DRC3: variants seen among roughly 807,000 people sequenced by gnomAD.
DRC3 encodes the protein leucine rich repeat containing 48.
DRC3 carries 45 observed loss-of-function variants against 57.6 expected under a neutral mutation model. That is an observed-to-expected ratio of 0.78 (90% CI 0.62 to 1.00). The LOEUF is 1.00. Among genes scored for constraint, DRC3 ranks in the 50% least tolerant of loss-of-function variants. The probability of loss-of-function intolerance (pLI) is 0.00; values close to 1 mark genes in which losing one functional copy is unlikely to be tolerated. For missense variants in DRC3, 655 were observed against 675.2 expected, an observed-to-expected ratio of 0.97 and a Z score of 0.33; for synonymous variants, 257 against 272.3, an observed-to-expected ratio of 0.94 and a Z score of 0.55.
At chr17:18,006,949 T>C in intron 11 of DRC3, 75 bp from the exon 12 acceptor site, 1 of 1,588,078 alleles carries the variant, frequency 6.3e-7, no homozygotes, top group Non-Finnish European at 8.6e-7. Context: ...TTAAAGTCTG[T>C]CTCCCGCCGT....
intron 12 of DRC3, among the ~76,000 whole-genome samples, chr17:18,012,766 T>A (rs183805437): frequency 1.3e-4 from 20 of 149,838 alleles, no homozygotes; most frequent in Middle Eastern, 7.1e-3. Flanking sequence ...TGGGAAAAAA[T>A]TTTATGAATA....
chr17:18,007,004 T>C lies in DRC3; in HGVS notation c.1203-20T>C, dbSNP rs781557423. On this transcript the variant is annotated intron_variant, in intron 11 of 13. Coordinates refer to ENST00000399187, the MANE Select transcript of DRC3 (RefSeq NM_031294.4). Reference sequence around the variant, plus strand: ...GCCGGGCCTGCTCCTCCCGGGCCTTTGCTTAACTCGGGGCTGCACGATGGC... The same window carrying C: ...GCCGGGCCTGCTCCTCCCGGGCCTTCGCTTAACTCGGGGCTGCACGATGGC... 6.2e-7 allele frequency: 1 copy of C among 1,610,864 alleles called. No homozygotes were observed. The highest frequency in any genetic ancestry group is 8.5e-7 in the Non-Finnish European group (1 of 1,178,150).
chr17:17,977,463 G>A (rs577121221), intron 2 of DRC3, 119 bp from the exon 3 acceptor site: 36 of 1,184,726 alleles, frequency 3.0e-5, no homozygotes, highest in Admixed American at 1.5e-4. Flanking sequence ...AGGGCTGGGC[G>A]TGGGGCATTC....
chr17:17,975,819 A>G (rs1284926313), intron 2 of DRC3, among the ~76,000 whole-genome samples: 2 of 152,148 alleles, frequency 1.3e-5, no homozygotes, highest in African/African-American at 4.8e-5. Context: ...TGTGGAGGCT[A>G]TGCCTCCCCT....
rs191664790 is a variant in DRC3 at position 17,982,459 on chromosome 17, C to T, written c.161-1369C>T. On this transcript the variant is annotated intron_variant, in intron 3 of 13. Coordinates refer to ENST00000399187, the MANE Select transcript of DRC3 (RefSeq NM_031294.4). ...CTCCACCTCCTCACCTCCTGATCTG[C>T]CTACCTTGGCCTCCCAAAGTGCTGG... 2.3e-3 allele frequency among the ~76,000 whole-genome samples: 350 copies of T among 152,186 alleles called. 9 individuals carry two copies. The highest frequency in any genetic ancestry group is 0.023 in the Admixed American group (345 of 15,274).
chr17:18,010,939 G>T, intron 12 of DRC3: 2 of 235,674 alleles, frequency 8.5e-6, no homozygotes, highest in Non-Finnish European at 1.7e-5. Flanking sequence ...CAAGGATGAG[G>T]TTTTTTTTTT....
At chr17:17,993,004 C>G in intron 6 of DRC3, 93 bp downstream of exon 6, 2 of 1,383,734 alleles carry the variant, frequency 1.4e-6, no homozygotes, top group Middle Eastern at 2.0e-4. Flanking sequence ...AGTAGCTTCC[C>G]CTGCCCACAA....
chr17:18,012,940 C>A (rs559415118), intron 12 of DRC3, among the ~76,000 whole-genome samples: 86 of 152,220 alleles, frequency 5.6e-4, no homozygotes, highest in African/African-American at 2.0e-3. Context: ...CCAGAATATA[C>A]AATGAACTCT....
chr17:18,009,370 T>C (rs2044091408), intron 12 of DRC3, among the ~76,000 whole-genome samples: 1 of 152,114 alleles, frequency 6.6e-6, no homozygotes, highest in Non-Finnish European at 1.5e-5. Context: ...GCCACTGCAC[T>C]CCAGTCTGGG....
chr17:17,980,870 C>T (rs1212793905), intron 3 of DRC3, among the ~76,000 whole-genome samples: 1 of 152,084 alleles, frequency 6.6e-6, no homozygotes, highest in Non-Finnish European at 1.5e-5. Flanking sequence ...TGGGATTACA[C>T]GTGTGAGCCA....
At chr17:17,991,142 T>G (rs2043207469) in intron 5 of DRC3, among the ~76,000 whole-genome samples, 1 of 152,084 alleles carries the variant, frequency 6.6e-6, no homozygotes, top group Non-Finnish European at 1.5e-5. Context: ...TGACTAATAG[T>G]GTTTGCTGCT....
At chr17:17,984,806 C>A (rs375655979) in intron 4 of DRC3, among the ~76,000 whole-genome samples, 2 of 152,144 alleles carry the variant, frequency 1.3e-5, no homozygotes, top group East Asian at 3.9e-4. Flanking sequence ...GTAATAAGGG[C>A]ACCCTGGGGC....
chr17:17,994,294 G>A lies in DRC3; in HGVS notation c.592-5G>A. 1.3e-6 allele frequency: 2 copies of A among 1,551,678 alleles called. No homozygotes were observed. Among genetic ancestry groups the A allele is most frequent in the African/African-American group, 2.7e-5 (2 of 73,166 alleles). The stretch of plus-strand genomic sequence containing the variant: ...GTAACAATGCCACTCCCGTTCCCTG[G>A]TCAGAAAAAGCTTGCGGAGGCTAAG... On this transcript the variant is annotated splice_polypyrimidine_tract_variant and splice_region_variant and intron_variant, in intron 6 of 13. Coordinates refer to ENST00000399187, the MANE Select transcript of DRC3 (RefSeq NM_031294.4).
At chr17:17,979,698 G>A (rs532961906) in intron 3 of DRC3, among the ~76,000 whole-genome samples, 6 of 152,322 alleles carry the variant, frequency 3.9e-5, no homozygotes, top group East Asian at 1.9e-4. Context: ...AGCCACAGGG[G>A]GAGTGCTACT....
chr17:18,011,337 C>T (rs2044160832), intron 12 of DRC3: 1 of 348,630 alleles, frequency 2.9e-6, no homozygotes, highest in Non-Finnish European at 5.6e-6. Flanking sequence ...CGTTTGTTGC[C>T]ATCAGGGATT....
At chr17:18,001,975 CT>C (rs58365097) in intron 9 of DRC3, among the ~76,000 whole-genome samples, 66,924 of 151,782 alleles carry the variant, frequency 0.44, 16,258 homozygotes, top group East Asian at 0.9. Flanking sequence ...TGAGACCAGC[CT>C]TGCCAACATG....
chr17:18,012,126 G>A (rs1040810944), intron 12 of DRC3, among the ~76,000 whole-genome samples: 4 of 152,142 alleles, frequency 2.6e-5, no homozygotes, highest in African/African-American at 9.7e-5. Context: ...AAAATAAAGT[G>A]AATTAAGCCT....
intron 5 of DRC3, among the ~76,000 whole-genome samples, chr17:17,990,072 G>A (rs972590453): frequency 6.6e-6 from 1 of 152,170 alleles, no homozygotes; most frequent in African/African-American, 2.4e-5. Flanking sequence ...CTTAATGGTT[G>A]CAGTCAAGGA....
At chr17:17,974,683 T>C (rs2042303647) in intron 2 of DRC3, among the ~76,000 whole-genome samples, 1 of 152,196 alleles carries the variant, frequency 6.6e-6, no homozygotes, top group Non-Finnish European at 1.5e-5. Flanking sequence ...TTCCACAAAG[T>C]TACCTCCTCC....
Sources: gnomAD v4.1 joint callset for allele counts (sites outside exome capture counted in the v4.1 genomes callset) on GRCh38, gnomAD v4.1.1 for gene constraint, MANE v1.5 for transcripts, NCBI Gene and HGNC (gene_info 2026-07-23, HGNC 2026-07-21) for gene names.